HCN1: variants seen among roughly 807,000 people sequenced by gnomAD.
The protein encoded by HCN1 is potassium/sodium hyperpolarization-activated cyclic nucleotide-gated channel 1.
HCN1 carries 13 observed loss-of-function variants against 78.9 expected under a neutral mutation model. The ratio of observed to expected loss-of-function variants is 0.16; its 90% CI spans 0.11 to 0.26. HCN1 has a LOEUF of 0.26. Among genes scored for constraint, HCN1 ranks in the 10% least tolerant of loss-of-function variants. The pLI, the probability that HCN1 is intolerant of heterozygous loss-of-function variation, is 1.00. For missense variants in HCN1, 810 were observed against 1,154.3 expected (o/e 0.70, Z 4.32); for synonymous variants, 552 against 455.5 (o/e 1.21, Z -2.70).
intron 2 of HCN1, among the ~76,000 whole-genome samples, chr5:45,470,347 C>A (rs1741366066): frequency 6.6e-6 from 1 of 151,968 alleles, no homozygotes; most frequent in Admixed American, 6.6e-5. Context: ...ACAAACCATG[C>A]ATTCTTCCAT....
intron 1 of HCN1, among the ~76,000 whole-genome samples, chr5:45,655,736 C>T (rs2112047275): frequency 6.6e-6 from 1 of 152,174 alleles, no homozygotes; most frequent in East Asian, 1.9e-4. Context: ...CTCCCTTGTC[C>T]TTATGCCCAT....
At position 45,696,020 on chromosome 5, in the gene HCN1, G is replaced by T. The variant is rs1469192494; in HGVS notation, c.74C>A (p.Ala25Glu). Residue 25 changes from alanine to glutamate, a missense_variant, in exon 1 of 8, where the codon GCG becomes GAG. Physicochemically the swap from Ala to Glu is moderately radical, Grantham distance 107. This residue lies in a region of HCN1 where 170 missense variants were observed against 166.8 expected (regional missense o/e 1.02). Coordinates refer to ENST00000303230, the MANE Select transcript of HCN1 (RefSeq NM_021072.4). The stretch of plus-strand genomic sequence containing the variant: ...GGCCGGCCCCGCGCCCGTCGCGGAC[G>T]CCTTGGCGGGGAAGACGCTGTTGCC... ...DDGNSVFPAK[A>E]SATGAGPAAA... is the part of the protein sequence containing the mutation. 5 of 1,311,524 alleles carry T rather than the reference G, an allele frequency of 3.8e-6. No individual in the cohort carries two copies. The highest frequency in any genetic ancestry group is 4.9e-6 in the Non-Finnish European group (5 of 1,022,558). 81.2% of individuals were successfully genotyped at this position (1,311,524 alleles called of 1,614,324 possible).
At chr5:45,271,653 A>G (rs1159646503) in intron 6 of HCN1, among the ~76,000 whole-genome samples, 1 of 152,146 alleles carries the variant, frequency 6.6e-6, no homozygotes, top group East Asian at 1.9e-4. Flanking sequence ...ATTAATCTTT[A>G]TATCTCCAGT....
intron 3 of HCN1, among the ~76,000 whole-genome samples, chr5:45,456,841 A>G (rs1741037910): frequency 6.6e-6 from 1 of 152,022 alleles, no homozygotes; most frequent in Non-Finnish European, 1.5e-5. Context: ...GACTACGGTG[A>G]AACGTGTACA....
intron 4 of HCN1, among the ~76,000 whole-genome samples, chr5:45,370,773 C>G (rs1027633877): frequency 6.6e-6 from 1 of 151,958 alleles, no homozygotes; most frequent in African/African-American, 2.4e-5. Flanking sequence ...GAATGGTATT[C>G]TTACTCTTCA....
At chr5:45,377,103 A>T (rs1279596137) in intron 4 of HCN1, among the ~76,000 whole-genome samples, 1 of 152,000 alleles carries the variant, frequency 6.6e-6, no homozygotes, top group Non-Finnish European at 1.5e-5. Flanking sequence ...AGTTATAGAG[A>T]TACAGGTGTC....
At chr5:45,657,360 T>A (rs1291398569) in intron 1 of HCN1, among the ~76,000 whole-genome samples, 2 of 152,184 alleles carry the variant, frequency 1.3e-5, no homozygotes, top group African/African-American at 4.8e-5. Context: ...CTTTCATCCT[T>A]TCCTTCATAA....
chr5:45,645,011 T>G, intron 2 of HCN1, 174 bp downstream of exon 2: 1 of 562,918 alleles, frequency 1.8e-6, no homozygotes, highest in South Asian at 2.5e-5. Context: ...CATTATTTGA[T>G]CATATATTTT....
chr5:45,373,274 A>G (rs1305438056), intron 4 of HCN1, among the ~76,000 whole-genome samples: 1 of 117,072 alleles, frequency 8.5e-6, no homozygotes, highest in African/African-American at 3.6e-5. Flanking sequence ...TATTATATAT[A>G]TTTTATATTA....
At position 45,301,722 on chromosome 5, in the gene HCN1, T is replaced by TAA. The variant is rs34604835; in HGVS notation, c.1618+1875_1618+1876dup. Among the ~76,000 whole-genome samples, 282 of 130,244 alleles carry TAA rather than the reference T, an allele frequency of 2.2e-3. 1 individual carries two copies. Among genetic ancestry groups the TAA allele is most frequent in the African/African-American group, 5.4e-3 (190 of 35,478 alleles). The allele number at this position is 130,244 out of a possible 152,430, so 85.4% of individuals were successfully genotyped here. ...GGTGACAGAGAGATACCCTGTCATT[T>TAA]AAAAAAAAAAAAAAAAAAGAAAGAA... On this transcript the variant is annotated intron_variant, in intron 6 of 7. Transcript: ENST00000303230.
At chr5:45,399,933 A>C (rs939791727) in intron 3 of HCN1, among the ~76,000 whole-genome samples, 1 of 152,004 alleles carries the variant, frequency 6.6e-6, no homozygotes, top group Non-Finnish European at 1.5e-5. Context: ...TCATGCAAAA[A>C]CTCTTATTTT....
At chr5:45,574,407 T>C (rs1743896218) in intron 2 of HCN1, among the ~76,000 whole-genome samples, 1 of 152,090 alleles carries the variant, frequency 6.6e-6, no homozygotes, top group South Asian at 2.1e-4. Context: ...TGGGGTGCCA[T>C]GAACCATGCC....
intron 5 of HCN1, among the ~76,000 whole-genome samples, chr5:45,314,371 A>G (rs770293120): frequency 2.0e-5 from 3 of 152,048 alleles, no homozygotes; most frequent in Non-Finnish European, 4.4e-5. Context: ...AGCACTAAAC[A>G]TGGAAAGGAA....
At chr5:45,563,673 T>C (rs1743651179) in intron 2 of HCN1, among the ~76,000 whole-genome samples, 1 of 152,132 alleles carries the variant, frequency 6.6e-6, no homozygotes, top group Non-Finnish European at 1.5e-5. Flanking sequence ...ACACTTCACA[T>C]CATTGATAAA....
intron 2 of HCN1, chr5:45,642,045 T>A (rs778428696): frequency 5.3e-5 from 8 of 152,164 alleles, no homozygotes; most frequent in Non-Finnish European, 1.2e-4. Flanking sequence ...TAATAGTTTT[T>A]TAAAACCAAA....
intron 2 of HCN1, among the ~76,000 whole-genome samples, chr5:45,465,750 G>A (rs1163387567): frequency 6.6e-6 from 1 of 151,740 alleles, no homozygotes; most frequent in Non-Finnish European, 1.5e-5. Context: ...GTGAGACTTT[G>A]ATGTGAAAAA....
At chr5:45,304,333 G>A (rs1745686191) in intron 5 of HCN1, among the ~76,000 whole-genome samples, 1 of 151,340 alleles carries the variant, frequency 6.6e-6, no homozygotes, top group Non-Finnish European at 1.5e-5. Context: ...ACATTAGAGT[G>A]AGGACAATGG....
chr5:45,487,154 T>A (rs1741785769), intron 2 of HCN1, among the ~76,000 whole-genome samples: 1 of 152,108 alleles, frequency 6.6e-6, no homozygotes, highest in Admixed American at 6.6e-5. Flanking sequence ...AACAGAAATG[T>A]CAGTATTTTA....
At chr5:45,522,058 T>C (rs915794598) in intron 2 of HCN1, among the ~76,000 whole-genome samples, 2 of 152,016 alleles carry the variant, frequency 1.3e-5, no homozygotes, top group Non-Finnish European at 2.9e-5. Context: ...TTCAACTGTA[T>C]GTTTCTGTTT....
Sources: allele counts gnomAD v4.1 joint callset (sites outside exome capture counted in the v4.1 genomes callset), GRCh38; gene constraint gnomAD v4.1.1; regional missense constraint gnomAD v4.1.1; transcripts MANE v1.5; gene names NCBI Gene and HGNC (gene_info 2026-07-23, HGNC 2026-07-21).